NOVA2: variants seen among roughly 807,000 people sequenced by gnomAD.
NOVA2 encodes NOVA alternative splicing regulator 2, also known as RNA-binding protein Nova-2.
Under a neutral mutation model 22.5 loss-of-function variants are expected in NOVA2, and 9 were observed. The observed-to-expected ratio is 0.40, with a 90% confidence interval of 0.24 to 0.70. The LOEUF (loss-of-function observed/expected upper bound fraction) is 0.70, where lower values mean the gene tolerates loss of function less well. NOVA2 is among the 30% of genes least tolerant of loss of function. The probability of loss-of-function intolerance (pLI) is 0.38; values close to 1 mark genes in which losing one functional copy is unlikely to be tolerated. For missense variants in NOVA2, 383 were observed against 682.8 expected (o/e 0.56, Z 4.89); for synonymous variants, 318 against 335.2 (o/e 0.95, Z 0.56).
chr19:45,940,238 G>C lies in NOVA2; in HGVS notation c.1104C>G (p.Ala368=). The C allele has an allele frequency of 9.2e-7, 1 of 1,089,434 alleles. No homozygotes were observed. Among genetic ancestry groups the C allele is most frequent in the South Asian group, 4.3e-5 (1 of 23,280 alleles). The allele number at this position is 1,089,434 out of a possible 1,614,324, so 67.5% of individuals were successfully genotyped here. ...LAAAANGYLG[A]GAGGGAGGGG... ...CTCCGCCCGCCCCGCCGCCCGCCCC[G>C]GCCCCGAGGTAGCCGTTGGCGGCTG... Residue 368 remains alanine, a synonymous_variant, in exon 4 of 4, where the codon GCC becomes GCG. Transcript: ENST00000263257.
chr19:45,942,205 C>T (rs139697558), intron 3 of NOVA2, among the ~76,000 whole-genome samples: 1 of 152,106 alleles, frequency 6.6e-6, no homozygotes, highest in African/African-American at 2.4e-5. Context: ...GGCGTAACTT[C>T]CAGTACTTTA....
In NOVA2 at chr19:45,940,611, G is replaced by C. The variant is rs1488251080; in HGVS notation, c.731C>G (p.Ala244Gly). Residue 244 changes from alanine (A) to glycine (G), a missense_variant, in exon 4 of 4, where the codon GCG (alanine) becomes GGG (glycine). By Grantham distance (60) the Ala-to-Gly change is moderately conservative. Around this residue, in one of 2 missense-constraint regions of NOVA2, gnomAD observed 349 missense variants for 578.1 expected, o/e 0.60. Coordinates refer to ENST00000263257, the MANE Select transcript of NOVA2 (RefSeq NM_002516.4). ...PADVLPAAAA[A>G]SAAAASGLLG... ...CAGGCCGGAGGCGGCGGCGGCCGACGCTGCGGCCGCGGCTGGCAGCACATC... is the reference window on the plus strand; with the variant it reads ...CAGGCCGGAGGCGGCGGCGGCCGACCCTGCGGCCGCGGCTGGCAGCACATC... 6.3e-6 allele frequency: 9 copies of C among 1,427,188 alleles called. No homozygotes were observed. Among genetic ancestry groups the C allele is most frequent in the Non-Finnish European group, 8.2e-6 (9 of 1,103,482 alleles). 88.4% of individuals were successfully genotyped at this position (1,427,188 alleles called of 1,614,324 possible).
intron 3 of NOVA2, among the ~76,000 whole-genome samples, chr19:45,950,547 A>AGACCCTGAATTGTAGAAC (rs1967909127): frequency 6.6e-6 from 1 of 152,230 alleles, no homozygotes; most frequent in Non-Finnish European, 1.5e-5. Flanking sequence ...CCTTCATGAT[A>AGACCCTGAATTGTAGAAC]GACCCTGAAT....
intron 3 of NOVA2, among the ~76,000 whole-genome samples, chr19:45,942,884 C>T (rs975678383): frequency 1.3e-5 from 2 of 151,460 alleles, no homozygotes; most frequent in African/African-American, 4.9e-5. Flanking sequence ...TTCCCATGTC[C>T]CCTTAAACCC....
At chr19:45,958,230 C>T (rs942036279) in intron 2 of NOVA2, among the ~76,000 whole-genome samples, 7 of 152,160 alleles carry the variant, frequency 4.6e-5, no homozygotes, top group African/African-American at 1.7e-4. Flanking sequence ...CCATGTATGA[C>T]CTGGATGGAT....
At chr19:45,946,786 T>C (rs528366596) in intron 3 of NOVA2, among the ~76,000 whole-genome samples, 8 of 151,616 alleles carry the variant, frequency 5.3e-5, no homozygotes, top group Non-Finnish European at 1.0e-4. Flanking sequence ...ACAGGAGAAT[T>C]GCTTGAACCT....
intron 1 of NOVA2, among the ~76,000 whole-genome samples, chr19:45,963,765 C>G (rs1400042023): frequency 6.6e-6 from 1 of 152,100 alleles, no homozygotes; most frequent in Non-Finnish European, 1.5e-5. Context: ...CACCTGGCCT[C>G]GTGATCTGCC....
At position 45,936,530 on chromosome 19, in the gene NOVA2, C is replaced by T. The variant is rs925016910; in HGVS notation, c.*3333G>A. 6.6e-6 allele frequency: 1 copy of T among 151,794 alleles called. No homozygotes were observed. Among genetic ancestry groups the T allele is most frequent in the Non-Finnish European group, 1.5e-5 (1 of 67,976 alleles). The allele number at this position is 151,794 out of a possible 1,614,324, so 9.4% of individuals were successfully genotyped here. On this transcript the variant is annotated 3_prime_UTR_variant, in exon 4 of 4. Coordinates refer to ENST00000263257, the MANE Select transcript of NOVA2 (RefSeq NM_002516.4). ...CCCCTCTATCCAAGGTCCTCTCCCC[C>T]CAGAGCGGCTCAGTTCCAAGGAAGT... is the stretch of plus-strand genomic sequence containing the variant.
Position 45,938,085 on chromosome 19 carries a change from G to A in NOVA2, c.*1778C>T, listed in dbSNP as rs771581602. ...TGATGATGGAACCAGGGCACTGGGC[G>A]CCCTGCTTTGGGTTGGAGAAAGTGG... On this transcript the variant is annotated 3_prime_UTR_variant, in exon 4 of 4. Coordinates refer to ENST00000263257, the MANE Select transcript of NOVA2 (RefSeq NM_002516.4). 297 of 152,334 alleles carry A rather than the reference G, an allele frequency of 1.9e-3. 5 individuals are homozygous for A. Among genetic ancestry groups the A allele is most frequent in the Non-Finnish European group, 2.6e-3 (175 of 68,078 alleles). 9.4% of individuals were successfully genotyped at this position (152,334 alleles called of 1,614,324 possible).
In NOVA2 at chr19:45,939,697, TCCTG is replaced by T. The variant is rs1967713960; in HGVS notation, c.*162_*165del. 1.2e-6 allele frequency: 1 copy of T among 839,236 alleles called. No homozygotes were observed. 52.0% of individuals were successfully genotyped at this position (839,236 alleles called of 1,614,324 possible). A position where few individuals can be genotyped will look rare whatever the true frequency, so the allele number is the denominator to read the frequency against. ...AGCCCCCTTCCCAACCGTCACTCAA[TCCTG>T]CCTATGACTACCAGAAGGGGAGGGT... On this transcript the variant is annotated 3_prime_UTR_variant, in exon 4 of 4. Coordinates refer to ENST00000263257, the MANE Select transcript of NOVA2 (RefSeq NM_002516.4).
Position 45,933,978 on chromosome 19 carries a change from G to A in NOVA2, c.*5885C>T, listed in dbSNP as rs190611092. 3,227 of 152,786 alleles carry A rather than the reference G, an allele frequency of 0.021. 71 individuals carry two copies. Among genetic ancestry groups the A allele is most frequent in the South Asian group, 0.028 (137 of 4,842 alleles). 9.5% of individuals were successfully genotyped at this position (152,786 alleles called of 1,614,324 possible). On this transcript the variant is annotated 3_prime_UTR_variant, in exon 4 of 4. Coordinates refer to ENST00000263257, the MANE Select transcript of NOVA2 (RefSeq NM_002516.4). ...AGGAGCTTCTGGAGGTGGTGGGCAG[G>A]AGGCGGGCGGCGTCTCTGGTCGCAG...
intron 2 of NOVA2, among the ~76,000 whole-genome samples, chr19:45,957,538 TAAA>T (rs771237218): frequency 1.7e-5 from 2 of 120,188 alleles, no homozygotes; most frequent in Non-Finnish European, 1.8e-5. Context: ...AATCTCTGTC[TAAA>T]AAAAAAAAAA....
At chr19:45,946,940 A>G (rs895963817) in intron 3 of NOVA2, among the ~76,000 whole-genome samples, 1 of 151,928 alleles carries the variant, frequency 6.6e-6, no homozygotes, top group Non-Finnish European at 1.5e-5. Flanking sequence ...ACATGCATGC[A>G]CATGTGTTCA....
intron 3 of NOVA2, among the ~76,000 whole-genome samples, chr19:45,942,885 C>T (rs995727150): frequency 6.6e-6 from 1 of 151,604 alleles, no homozygotes. Context: ...TCCCATGTCC[C>T]CTTAAACCCT....
At position 45,935,626 on chromosome 19, in the gene NOVA2, C is replaced by A. The variant is rs1967643560; in HGVS notation, c.*4237G>T. 6.6e-6 allele frequency: 1 copy of A among 152,312 alleles called. No individual in the cohort carries two copies. Among genetic ancestry groups the A allele is most frequent in the Admixed American group, 6.5e-5 (1 of 15,278 alleles). 9.4% of individuals were successfully genotyped at this position (152,312 alleles called of 1,614,324 possible). Reference sequence around the variant, plus strand: ...GCAGCCTGGACGCCCCAACTGCCATCCTCATCGCCACTCTTGTTAATACTT... The same window carrying A: ...GCAGCCTGGACGCCCCAACTGCCATACTCATCGCCACTCTTGTTAATACTT... On this transcript the variant is annotated 3_prime_UTR_variant, in exon 4 of 4. Coordinates refer to ENST00000263257, the MANE Select transcript of NOVA2 (RefSeq NM_002516.4).
chr19:45,964,406 A>T (rs762728240), intron 1 of NOVA2, among the ~76,000 whole-genome samples: 2 of 137,574 alleles, frequency 1.5e-5, no homozygotes, highest in Admixed American at 7.3e-5. Flanking sequence ...GTGTATTTTT[A>T]GTAGAGATGG....
At position 45,939,753 on chromosome 19, in the gene NOVA2, C is replaced by G; in HGVS notation, c.*110G>C. ...CAGTCGGGCCTACCCCAGCCCCATCCCAAGAGGAGCAGGACTACACCAAGC... is the reference window on the plus strand; with the variant it reads ...CAGTCGGGCCTACCCCAGCCCCATCGCAAGAGGAGCAGGACTACACCAAGC... On this transcript the variant is annotated 3_prime_UTR_variant, in exon 4 of 4. Coordinates refer to ENST00000263257, the MANE Select transcript of NOVA2 (RefSeq NM_002516.4). 7.1e-7 allele frequency: 1 copy of G among 1,417,550 alleles called. No individual in the cohort carries two copies. 87.8% of individuals were successfully genotyped at this position (1,417,550 alleles called of 1,614,324 possible). A position where few individuals can be genotyped will look rare whatever the true frequency, so the allele number is the denominator to read the frequency against.
intron 1 of NOVA2, among the ~76,000 whole-genome samples, chr19:45,970,726 C>T (rs1968222638): frequency 6.6e-6 from 1 of 151,976 alleles, no homozygotes; most frequent in Admixed American, 6.6e-5. Context: ...CACTGAGGCT[C>T]AGAAAAGGGG....
Position 45,934,415 on chromosome 19 carries a change from C to A in NOVA2, c.*5448G>T, listed in dbSNP as rs568770199. On this transcript the variant is annotated 3_prime_UTR_variant, in exon 4 of 4. Transcript: ENST00000263257. ...GAATCCATTTCACAGAAGGGGAAAA[C>A]GGAGGCATCCTCCCAGACTACACCT... is the stretch of plus-strand genomic sequence containing the variant. 6.6e-6 allele frequency: 1 copy of A among 152,268 alleles called. No homozygotes were observed. Among genetic ancestry groups the A allele is most frequent in the South Asian group, 2.1e-4 (1 of 4,824 alleles). 9.4% of individuals were successfully genotyped at this position (152,268 alleles called of 1,614,324 possible).
Sources: allele counts gnomAD v4.1 joint callset (sites outside exome capture counted in the v4.1 genomes callset), GRCh38; gene constraint gnomAD v4.1.1; regional missense constraint gnomAD v4.1.1; transcripts MANE v1.5; gene names NCBI Gene and HGNC (gene_info 2026-07-23, HGNC 2026-07-21).